The following GRK5 variants were observed in gnomAD, a reference collection of about 807,000 sequenced individuals.
The protein encoded by GRK5 is G protein-coupled receptor kinase 5.
Under a neutral mutation model 78.4 loss-of-function variants are expected in GRK5, and 40 were observed. That is an observed-to-expected ratio of 0.51 (90% CI 0.40 to 0.66). The LOEUF (loss-of-function observed/expected upper bound fraction) is 0.66, where lower values mean the gene tolerates loss of function less well. GRK5 is among the 30% of genes least tolerant of loss of function. GRK5 has a pLI of 0.00. For synonymous variants in GRK5, 289 were observed against 296.8 expected, an observed-to-expected ratio of 0.97 and a Z score of 0.27; for missense variants, 598 against 759.9, an observed-to-expected ratio of 0.79 and a Z score of 2.50.
At chr10:119,287,349 G>A (rs1445096521) in intron 1 of GRK5, among the ~76,000 whole-genome samples, 1 of 7,438 alleles carries the variant, frequency 1.3e-4, no homozygotes, top group Non-Finnish European at 2.7e-4. Flanking sequence ...AGGAGGAAGG[G>A]AAGGAGGAAG....
intron 6 of GRK5, among the ~76,000 whole-genome samples, chr10:119,426,050 C>T (rs1436042415): frequency 6.6e-6 from 1 of 152,224 alleles, no homozygotes; most frequent in Non-Finnish European, 1.5e-5. Context: ...CTCCCACAGC[C>T]CAGAGTCCCT....
At chr10:119,257,823 T>C (rs1486086811) in intron 1 of GRK5, among the ~76,000 whole-genome samples, 5 of 152,194 alleles carry the variant, frequency 3.3e-5, no homozygotes, top group Admixed American at 3.3e-4. Flanking sequence ...TGTGTGCAGC[T>C]CCTCAGTTAT....
intron 6 of GRK5, among the ~76,000 whole-genome samples, chr10:119,427,842 C>T (rs1380441564): frequency 6.6e-6 from 1 of 152,262 alleles, no homozygotes; most frequent in East Asian, 1.9e-4. Context: ...CTGCCATCAT[C>T]AGCATCACTG....
intron 1 of GRK5, among the ~76,000 whole-genome samples, chr10:119,324,912 AATACGCAT>A (rs1193508811): frequency 2.0e-5 from 3 of 152,086 alleles, no homozygotes; most frequent in Non-Finnish European, 4.4e-5. Flanking sequence ...GCAGGTGCCC[AATACGCAT>A]TCCTTCTGTC....
At position 119,207,825 on chromosome 10, in the gene GRK5, G is replaced by A; in HGVS notation, c.-93G>A. On this transcript the variant is annotated 5_prime_UTR_variant, in exon 1 of 16. Transcript: ENST00000392870. ...GCTGGCTCCCCCGGCTCCGGCAGCA[G>A]CGGCGGCAGCCCGAGCAGCGGCAGC... 8.0e-7 allele frequency: 1 copy of A among 1,252,632 alleles called. No homozygotes were observed. The highest frequency in any genetic ancestry group is 1.1e-6 in the Non-Finnish European group (1 of 908,142). The allele number at this position is 1,252,632 out of a possible 1,614,324, so 77.6% of individuals were successfully genotyped here. A position where few individuals can be genotyped will look rare whatever the true frequency, so the allele number is the denominator to read the frequency against.
intron 2 of GRK5, among the ~76,000 whole-genome samples, chr10:119,340,346 T>G (rs1366010472): frequency 6.6e-6 from 1 of 152,194 alleles, no homozygotes; most frequent in African/African-American, 2.4e-5. Flanking sequence ...AGGCTGGTCT[T>G]GAACTCTTGG....
At chr10:119,402,014 G>A (rs553218170) in intron 4 of GRK5, among the ~76,000 whole-genome samples, 11 of 152,318 alleles carry the variant, frequency 7.2e-5, no homozygotes, top group African/African-American at 2.6e-4. Flanking sequence ...CCACCATCTG[G>A]AGTGTGTTGT....
At chr10:119,377,956 A>G (rs1012154486) in intron 2 of GRK5, 5 of 154,316 alleles carry the variant, frequency 3.2e-5, no homozygotes, top group African/African-American at 9.6e-5. Context: ...CCCTTGGGGG[A>G]TTGTGTTGAG....
intron 1 of GRK5, among the ~76,000 whole-genome samples, chr10:119,276,808 C>T (rs549561398): frequency 7.2e-5 from 11 of 152,268 alleles, no homozygotes; most frequent in South Asian, 2.1e-4. Flanking sequence ...AAAGTCAAAG[C>T]GGGGATGGAC....
At chr10:119,375,462 G>A (rs1455138143) in intron 2 of GRK5, among the ~76,000 whole-genome samples, 3 of 152,162 alleles carry the variant, frequency 2.0e-5, no homozygotes, top group Admixed American at 6.5e-5. Context: ...AGGATGTCTT[G>A]CCCCCTCTGC....
chr10:119,276,427 A>G (rs1849671517), intron 1 of GRK5, among the ~76,000 whole-genome samples: 1 of 152,222 alleles, frequency 6.6e-6, no homozygotes, highest in Admixed American at 6.5e-5. Flanking sequence ...AAAGGACATG[A>G]ACTCATCATT....
chr10:119,308,854 C>T (rs1191177835), intron 1 of GRK5, among the ~76,000 whole-genome samples: 1 of 89,016 alleles, frequency 1.1e-5, no homozygotes, highest in Non-Finnish European at 3.0e-5. Context: ...GGCAGGGGAG[C>T]CCTGTATGGA....
chr10:119,315,540 G>A (rs182856004), intron 1 of GRK5, among the ~76,000 whole-genome samples: 7 of 152,170 alleles, frequency 4.6e-5, no homozygotes, highest in African/African-American at 1.2e-4. Flanking sequence ...ACAGCTGGCC[G>A]CCTCCACTTT....
At position 119,427,561 on chromosome 10, in the gene GRK5, C is replaced by T. The variant is rs953487535; in HGVS notation, c.533+2476C>T. Among the ~76,000 whole-genome samples the T allele has an allele frequency of 4.0e-5, 6 of 151,252 alleles. No individual in the cohort carries two copies. In the East Asian group the frequency reaches 9.8e-4, roughly 25 times the overall value. ...GTATCACCACCATCCTCAGTATCACCGCCATCATCAGCATCACCACCATCA... is the reference window on the plus strand; with the variant it reads ...GTATCACCACCATCCTCAGTATCACTGCCATCATCAGCATCACCACCATCA... On this transcript the variant is annotated intron_variant, in intron 6 of 15. Transcript: ENST00000392870.
chr10:119,256,289 A>G (rs922424149), intron 1 of GRK5, among the ~76,000 whole-genome samples: 22 of 151,406 alleles, frequency 1.5e-4, no homozygotes, highest in Non-Finnish European at 1.0e-4. Flanking sequence ...CCCCCCACAC[A>G]CCTCACAGCA....
chr10:119,321,735 C>G (rs10886458), intron 1 of GRK5, among the ~76,000 whole-genome samples: 104,870 of 152,042 alleles, frequency 0.69, 37,889 homozygotes, highest in Non-Finnish European at 0.79. Context: ...TCCTGCCCAC[C>G]ACAGTCCCCC....
At chr10:119,387,849 G>T (rs1229850400) in intron 3 of GRK5, among the ~76,000 whole-genome samples, 4 of 152,192 alleles carry the variant, frequency 2.6e-5, no homozygotes, top group African/African-American at 9.6e-5. Context: ...CTGTGTGCCA[G>T]GCTCTGTTCT....
intron 2 of GRK5, among the ~76,000 whole-genome samples, chr10:119,350,740 C>T (rs1425243261): frequency 6.6e-6 from 1 of 152,306 alleles, no homozygotes; most frequent in African/African-American, 2.4e-5. Context: ...ACAGCAAAAG[C>T]TGTTTGAGTT....
At chr10:119,274,030 A>C (rs868808382) in intron 1 of GRK5, among the ~76,000 whole-genome samples, 3 of 152,222 alleles carry the variant, frequency 2.0e-5, no homozygotes, top group African/African-American at 7.2e-5. Flanking sequence ...ATAGGCGTCA[A>C]CTACCGCGCC....
Sources: allele counts gnomAD v4.1 joint callset (sites outside exome capture counted in the v4.1 genomes callset), GRCh38; gene constraint gnomAD v4.1.1; transcripts MANE v1.5; gene names NCBI Gene and HGNC (gene_info 2026-07-23, HGNC 2026-07-21).